Variants in NRDC observed in about 807,000 individuals in gnomAD.
The protein encoded by NRDC is nardilysin.
Under a neutral mutation model 147.1 loss-of-function variants are expected in NRDC, and 54 were observed. The ratio of observed to expected loss-of-function variants is 0.37; its 90% CI spans 0.29 to 0.46. The LOEUF is 0.46. Among genes scored for constraint, NRDC ranks in the 20% least tolerant of loss-of-function variants. The pLI, the probability that NRDC is intolerant of heterozygous loss-of-function variation, is 1.00. For missense variants in NRDC, 1,082 were observed against 1,370.6 expected (o/e 0.79, Z 3.33); for synonymous variants, 440 against 482.1 (o/e 0.91, Z 1.14).
intron 13 of NRDC, 185 bp downstream of exon 13, chr1:51,814,366 C>T: frequency 1.7e-6 from 1 of 600,394 alleles, no homozygotes; most frequent in South Asian, 2.3e-5. Context: ...GGACTGCCCA[C>T]ATATGTGTAA....
At chr1:51,878,215 C>T in intron 1 of NRDC, 60 bp downstream of exon 1, 2 of 1,523,080 alleles carry the variant, frequency 1.3e-6, no homozygotes, top group Admixed American at 1.9e-5. Flanking sequence ...GAAGTGACGG[C>T]GGCACCGACA....
intron 3 of NRDC, among the ~76,000 whole-genome samples, chr1:51,835,467 G>GTTTTTTTTTTTTTTTTTT (rs951683379): frequency 4.4e-5 from 5 of 114,606 alleles, no homozygotes; most frequent in African/African-American, 1.4e-4. Flanking sequence ...TTTGTTTCTT[G>GTTTTTTTTTTTTTTTTTT]TTTTTTTTTT....
intron 20 of NRDC, among the ~76,000 whole-genome samples, chr1:51,803,207 G>T (rs1049374920): frequency 6.6e-6 from 1 of 152,180 alleles, no homozygotes. Context: ...CGGCATGGTG[G>T]CTCACGCCTA....
intron 1 of NRDC, among the ~76,000 whole-genome samples, chr1:51,845,649 C>T (rs1355347015): frequency 6.6e-6 from 1 of 152,164 alleles, no homozygotes; most frequent in Non-Finnish European, 1.5e-5. Flanking sequence ...CCTTCTCTGA[C>T]CACACTACCT....
intron 4 of NRDC, among the ~76,000 whole-genome samples, chr1:51,828,859 G>C (rs937509050): frequency 6.6e-6 from 1 of 151,780 alleles, no homozygotes; most frequent in Admixed American, 6.6e-5. Context: ...GCTGAGACTA[G>C]AGGTGTGCAC....
intron 24 of NRDC, 113 bp from the exon 25 acceptor site, chr1:51,792,537 A>C: frequency 1.1e-6 from 1 of 870,798 alleles, no homozygotes; most frequent in Non-Finnish European, 1.9e-6. Context: ...GCTCTCCCCC[A>C]AGAGAGTTAA....
chr1:51,865,006 GAAT>G (rs1369534404), intron 1 of NRDC, among the ~76,000 whole-genome samples: 5 of 150,110 alleles, frequency 3.3e-5, no homozygotes, highest in African/African-American at 1.2e-4. Flanking sequence ...AAAATTTTTA[GAAT>G]AAGATACAAA....
intron 19 of NRDC, among the ~76,000 whole-genome samples, chr1:51,805,089 A>G (rs1428023322): frequency 6.6e-6 from 1 of 152,252 alleles, no homozygotes; most frequent in Non-Finnish European, 1.5e-5. Context: ...AGGGTCTCCG[A>G]CCACCCACAA....
Position 51,810,336 on chromosome 1 carries a change from A to T in NRDC, c.1848T>A (p.Asn616Lys). Residue 616 changes from asparagine (N) to lysine (K), a missense_variant, in exon 16 of 31, where the codon AAT becomes AAA. Transcript: ENST00000352171. ...KANLVLLSGA[N>K]EGKCDLKEKW... Reference sequence around the variant, plus strand: ...TCTCCTTGAGGTCACATTTTCCCTCATTAGCACCAGACAGTAAAACAAGAT... The same window carrying T: ...TCTCCTTGAGGTCACATTTTCCCTCTTTAGCACCAGACAGTAAAACAAGAT... 6.2e-7 allele frequency: 1 copy of T among 1,612,324 alleles called. No individual in the cohort carries two copies. The highest frequency in any genetic ancestry group is 8.5e-7 in the Non-Finnish European group (1 of 1,178,736).
chr1:51,849,260 T>C (rs1172466539), intron 1 of NRDC, among the ~76,000 whole-genome samples: 2 of 151,210 alleles, frequency 1.3e-5, no homozygotes, highest in Non-Finnish European at 2.9e-5. Flanking sequence ...TAGCCAGGCA[T>C]GGTGGTGAGC....
At chr1:51,802,009 G>A (rs1020488659) in intron 20 of NRDC, among the ~76,000 whole-genome samples, 4 of 152,132 alleles carry the variant, frequency 2.6e-5, no homozygotes, top group East Asian at 3.9e-4. Context: ...GGATGATCTC[G>A]ATCTCCTGAC....
At chr1:51,790,801 G>A in intron 28 of NRDC, 99 bp downstream of exon 28, 3 of 1,034,546 alleles carry the variant, frequency 2.9e-6, no homozygotes, top group South Asian at 1.4e-5. Flanking sequence ...AGGAAGGTGG[G>A]GCTGCAAAGC....
At chr1:51,825,440 G>A (rs1680403009) in intron 5 of NRDC, 58 bp from the exon 6 acceptor site, 11 of 1,269,554 alleles carry the variant, frequency 8.7e-6, no homozygotes, top group Non-Finnish European at 1.1e-5. Context: ...TTTATTATAT[G>A]GAAATTCAAA....
chr1:51,818,554 T>A (rs534694335), intron 9 of NRDC, among the ~76,000 whole-genome samples: 1 of 152,352 alleles, frequency 6.6e-6, no homozygotes, highest in East Asian at 1.9e-4. Context: ...TTAGTTGGGT[T>A]AAAGTATCTC....
At chr1:51,862,638 C>G (rs2124085103) in intron 1 of NRDC, among the ~76,000 whole-genome samples, 1 of 152,020 alleles carries the variant, frequency 6.6e-6, no homozygotes, top group Middle Eastern at 3.4e-3. Context: ...GTGGGAGGAT[C>G]ACCTGAGCCA....
intron 1 of NRDC, among the ~76,000 whole-genome samples, chr1:51,876,208 G>C (rs961458816): frequency 6.6e-6 from 1 of 152,066 alleles, no homozygotes; most frequent in Non-Finnish European, 1.5e-5. Context: ...TGATCTGGAA[G>C]GCAAAAACTA....
chr1:51,854,238 C>T (rs1682127251), intron 1 of NRDC, among the ~76,000 whole-genome samples: 1 of 152,106 alleles, frequency 6.6e-6, no homozygotes, highest in African/African-American at 2.4e-5. Flanking sequence ...CGTAGAGGTG[C>T]ACACCTGTAG....
In NRDC at chr1:51,863,011, A is replaced by AG. The variant is rs1381482899; in HGVS notation, c.341+15263dup. Among the ~76,000 whole-genome samples, 189 of 58,712 alleles carry AG rather than the reference A, an allele frequency of 3.2e-3. 3 individuals are homozygous for AG. The highest frequency in any genetic ancestry group is 6.0e-3 in the Middle Eastern group (1 of 166). 38.5% of individuals were successfully genotyped at this position (58,712 alleles called of 152,430 possible). ...GATGACAGAGTGAGACTCTGTGTGGAGGAAAAAAAAAAAAAAAAAAAAAAA... is the reference window on the plus strand; with the variant it reads ...GATGACAGAGTGAGACTCTGTGTGGAGGGAAAAAAAAAAAAAAAAAAAAAAA... On this transcript the variant is annotated intron_variant, in intron 1 of 30. Transcript: ENST00000352171.
chr1:51,824,017 T>TA (rs1398820858), intron 6 of NRDC, among the ~76,000 whole-genome samples: 2 of 151,912 alleles, frequency 1.3e-5, no homozygotes, highest in Non-Finnish European at 2.9e-5. Flanking sequence ...GGGAAAACCT[T>TA]AAAAAAACAG....
Sources: gnomAD v4.1 joint callset for allele counts (sites outside exome capture counted in the v4.1 genomes callset) on GRCh38, gnomAD v4.1.1 for gene constraint, MANE v1.5 for transcripts, NCBI Gene and HGNC (gene_info 2026-07-23, HGNC 2026-07-21) for gene names.